ELL2: variants seen among roughly 807,000 people sequenced by gnomAD.
ELL2 encodes elongation factor for RNA polymerase II 2.
Under a neutral mutation model 72.8 loss-of-function variants are expected in ELL2, and 21 were observed. The observed-to-expected ratio is 0.29, with a 90% CI of 0.20 to 0.42. ELL2 has a LOEUF of 0.42. Among genes scored for constraint, ELL2 ranks in the 10% least tolerant of loss-of-function variants. The pLI, the probability that ELL2 is intolerant of heterozygous loss-of-function variation, is 1.00. For synonymous variants in ELL2, 266 were observed against 283.2 expected (o/e 0.94, Z 0.61); for missense variants, 568 against 772.8 (o/e 0.73, Z 3.14).
At chr5:95,900,816 G>T (rs541087511) in intron 6 of ELL2, 36 bp from the exon 7 acceptor site, 8 of 1,573,868 alleles carry the variant, frequency 5.1e-6, no homozygotes, top group Non-Finnish European at 6.0e-6. Context: ...TTAAGGAGAT[G>T]ATTTAAAAAT....
chr5:95,919,929 C>T (rs889292851), intron 2 of ELL2, among the ~76,000 whole-genome samples: 1 of 152,116 alleles, frequency 6.6e-6, no homozygotes, highest in East Asian at 1.9e-4. Context: ...TTACATGACC[C>T]CCTTCTAAAT....
chr5:95,886,563 G>C lies in ELL2; in HGVS notation c.*2308C>G, dbSNP rs1253257158. 1 of 152,010 alleles carries C rather than the reference G, an allele frequency of 6.6e-6. No homozygotes were observed. The highest frequency in any genetic ancestry group is 2.4e-5 in the African/African-American group (1 of 41,346). The allele number at this position is 152,010 out of a possible 1,614,324, so 9.4% of individuals were successfully genotyped here. A position where few individuals can be genotyped will look rare whatever the true frequency, so the allele number is the denominator to read the frequency against. ...CAACTGGAAGGCTTGTTTGTAAACA[G>C]GTTCTGAAACAAGAGTTGGCAGTGA... On this transcript the variant is annotated 3_prime_UTR_variant, in exon 12 of 12. Transcript: ENST00000237853.
At chr5:95,951,800 G>T (rs1167614363) in intron 1 of ELL2, among the ~76,000 whole-genome samples, 1 of 152,190 alleles carries the variant, frequency 6.6e-6, no homozygotes, top group Non-Finnish European at 1.5e-5. Context: ...CCTGAGGAGA[G>T]ATGATGGTAA....
Position 95,898,511 on chromosome 5 carries a change from G to A in ELL2, c.1254C>T (p.Asn418=), listed in dbSNP as rs761236024. ...CTTGCTGGTCCTCATAGATACTATC[G>A]TTTTGACTAAAACTGTCAACAGGTA... ...QDLPVDSFSQ[N]DSIYEDQQDK... is the part of the protein sequence containing the mutation. The change falls in exon 8 of 12, where the codon AAC becomes AAT. Residue 418 remains asparagine (N), a synonymous_variant. Coordinates refer to ENST00000237853, the MANE Select transcript of ELL2 (RefSeq NM_012081.6). The A allele has an allele frequency of 2.7e-5, 43 of 1,614,062 alleles. No homozygotes were observed. Among genetic ancestry groups the A allele is most frequent in the East Asian group, 6.7e-5 (3 of 44,880 alleles).
At chr5:95,918,192 G>A (rs987270226) in intron 3 of ELL2, among the ~76,000 whole-genome samples, 1 of 152,230 alleles carries the variant, frequency 6.6e-6, no homozygotes, top group Admixed American at 6.5e-5. Context: ...TAACTGTGCT[G>A]TCTACTATGA....
At chr5:95,908,716 C>T (rs1749470910) in intron 4 of ELL2, among the ~76,000 whole-genome samples, 1 of 152,190 alleles carries the variant, frequency 6.6e-6, no homozygotes, top group Non-Finnish European at 1.5e-5. Context: ...CAAACATTAG[C>T]ATTCCTTAAA....
chr5:95,894,062 C>T lies in ELL2; in HGVS notation c.1589+1566G>A, dbSNP rs555106120. On this transcript the variant is annotated intron_variant, in intron 9 of 11. Transcript: ENST00000237853. ...GGTCAGGAGTTCGAGACTAGCCTGG[C>T]CAATATGGCGAAACGCCATCTCTAC... Among the ~76,000 whole-genome samples the T allele has an allele frequency of 2.0e-3, 305 of 152,238 alleles. 1 individual carries two copies. Among genetic ancestry groups the T allele is most frequent in the African/African-American group, 6.9e-3 (286 of 41,574 alleles).
At chr5:95,934,783 T>C (rs1750717586) in intron 2 of ELL2, among the ~76,000 whole-genome samples, 1 of 152,240 alleles carries the variant, frequency 6.6e-6, no homozygotes. Flanking sequence ...CTTAGAGTCT[T>C]GTCATATTTG....
rs1304551817 is a variant in ELL2, at chr5:95,898,314, T to C, written c.1451A>G (p.Glu484Gly). ...TCTCTTAAGATCTTCCTCCTTTTCC[T>C]CAATAGTCTCAATGTCGTGCTTTTT... The part of the protein sequence containing the change: ...QIKKHDIETI[E>G]EKEEDLKREE... The change falls in exon 8 of 12, where the codon GAG (glutamate) becomes GGG (glycine). Residue 484 changes from glutamate to glycine, a missense_variant. Glu to Gly is a moderately conservative substitution (Grantham distance 98, BLOSUM62 -2). This residue lies in a region of ELL2 where 511 missense variants were observed against 728.4 expected (regional missense o/e 0.70). Coordinates refer to ENST00000237853, the MANE Select transcript of ELL2 (RefSeq NM_012081.6). The C allele has an allele frequency of 6.2e-7, 1 of 1,613,354 alleles. No individual in the cohort carries two copies. The highest frequency in any genetic ancestry group is 8.5e-7 in the Non-Finnish European group (1 of 1,179,772).
chr5:95,906,885 A>G (rs1216511596), intron 4 of ELL2, 103 bp from the exon 5 acceptor site: 2 of 1,255,884 alleles, frequency 1.6e-6, no homozygotes, highest in East Asian at 5.3e-5. Flanking sequence ...TTCTAGAGGA[A>G]ATAATAATAA....
At chr5:95,906,426 T>C in intron 5 of ELL2, 97 bp downstream of exon 5, 1 of 1,320,740 alleles carries the variant, frequency 7.6e-7, no homozygotes, top group East Asian at 2.4e-5. Context: ...AAAATTTCTC[T>C]ATCTCAATAA....
intron 1 of ELL2, among the ~76,000 whole-genome samples, chr5:95,946,780 A>C (rs948411741): frequency 7.2e-5 from 11 of 152,184 alleles, no homozygotes; most frequent in Admixed American, 4.6e-4. Flanking sequence ...GCCAATCCAT[A>C]GTTATTGCTT....
rs1014396318 is a variant in ELL2 at position 95,885,352 on chromosome 5, T to C, written c.*3519A>G. 24 of 152,252 alleles carry C rather than the reference T, an allele frequency of 1.6e-4. No individual in the cohort carries two copies. Among genetic ancestry groups the C allele is most frequent in the Admixed American group, 1.4e-3 (21 of 15,284 alleles). The allele number at this position is 152,252 out of a possible 1,614,324, so 9.4% of individuals were successfully genotyped here. A position where few individuals can be genotyped will look rare whatever the true frequency, so the allele number is the denominator to read the frequency against. ...AGCATCTCCTGTGGCCTTCAGTTAG[T>C]AGTGCCAGTTAATATTGTTTCTGAA... On this transcript the variant is annotated 3_prime_UTR_variant, in exon 12 of 12. Transcript: ENST00000237853.
At chr5:95,934,537 C>T (rs6897997) in intron 2 of ELL2, among the ~76,000 whole-genome samples, 48,950 of 152,018 alleles carry the variant, frequency 0.32, 9,215 homozygotes, top group African/African-American at 0.53. Context: ...AAGTAACCTC[C>T]ACTCCCACAC....
intron 1 of ELL2, among the ~76,000 whole-genome samples, chr5:95,957,498 T>C (rs927853780): frequency 3.3e-5 from 5 of 152,260 alleles, no homozygotes; most frequent in African/African-American, 4.8e-5. Flanking sequence ...TAGATATCTG[T>C]ATTATCATGT....
In ELL2 at chr5:95,919,524, C is replaced by T; in HGVS notation, c.217G>A (p.Asp73Asn). ...AAGTTATGAACTTCATTGAGGGGAT[C>T]ATTTTTGGGAATTTTGACAAGCTAA... is the stretch of plus-strand genomic sequence containing the variant. ...LHGLVKIPKN[D>N]PLNEVHNFNF... Residue 73 changes from aspartate to asparagine, a missense_variant, in exon 3 of 12, where the codon GAT (aspartate) becomes AAT (asparagine). Asp to Asn is a conservative substitution (Grantham distance 23). Around this residue, in one of 2 missense-constraint regions of ELL2, gnomAD observed 511 missense variants for 728.4 expected, o/e 0.70. Transcript: ENST00000237853. 6.4e-7 allele frequency: 1 copy of T among 1,564,536 alleles called. No homozygotes were observed. The highest frequency in any genetic ancestry group is 1.2e-5 in the South Asian group (1 of 82,572).
At chr5:95,937,833 T>G in intron 2 of ELL2, among the ~76,000 whole-genome samples, 1 of 152,062 alleles carries the variant, frequency 6.6e-6, no homozygotes, top group East Asian at 1.9e-4. Context: ...GCAAAACCAG[T>G]GGGCTAGCCA....
intron 2 of ELL2, among the ~76,000 whole-genome samples, chr5:95,929,798 C>A (rs1386011936): frequency 3.4e-5 from 5 of 148,730 alleles, no homozygotes; most frequent in Admixed American, 1.3e-4. Flanking sequence ...AAAAAAACAA[C>A]AAAAAACAAA....
chr5:95,941,124 C>T (rs1031713344), intron 2 of ELL2, among the ~76,000 whole-genome samples: 2 of 152,226 alleles, frequency 1.3e-5, no homozygotes, highest in African/African-American at 2.4e-5. Context: ...GTCTATAGTA[C>T]CTCCACTCCT....
Sources: gnomAD v4.1 joint callset for allele counts (sites outside exome capture counted in the v4.1 genomes callset) on GRCh38, gnomAD v4.1.1 for gene constraint, gnomAD v4.1.1 regional missense constraint, MANE v1.5 for transcripts, NCBI Gene and HGNC (gene_info 2026-07-23, HGNC 2026-07-21) for gene names.